ZNF782: variants seen among roughly 807,000 people sequenced by gnomAD.
The protein encoded by ZNF782 is zinc finger protein 782.
Under a neutral mutation model 13.0 loss-of-function variants are expected in ZNF782, and 12 were observed. That is an observed-to-expected ratio of 0.92 (90% confidence interval 0.59 to 1.50). ZNF782 has a LOEUF of 1.50. Ranked by LOEUF, ZNF782 falls within the 40% of genes most tolerant of loss-of-function variation. The pLI is 0.00. For missense variants in ZNF782, 770 were observed against 822.9 expected, an observed-to-expected ratio of 0.94 and a Z score of 0.79; for synonymous variants, 284 against 283.0, an observed-to-expected ratio of 1.00 and a Z score of -0.04.
chr9:96,856,990 G>A (rs1588173383), upstream of ZNF782, among the ~76,000 whole-genome samples: 1 of 152,196 alleles, frequency 6.6e-6, no homozygotes, highest in Non-Finnish European at 1.5e-5. Flanking sequence ...GCTCTGCACA[G>A]CAGCCACTGG....
At chr9:96,874,135 A>T (rs1851862052) in intron 1 of ZNF782, among the ~76,000 whole-genome samples, 3 of 152,214 alleles carry the variant, frequency 2.0e-5, no homozygotes, top group Admixed American at 2.0e-4. Context: ...ATCAATACAA[A>T]AGAACAAGCT....
rs530300812 is a variant in ZNF782 at position 96,846,736 on chromosome 9, A to G, written c.16-1720T>C. On this transcript the variant is annotated intron_variant, in intron 3 of 5. Transcript: ENST00000481138. The stretch of plus-strand genomic sequence containing the variant: ...TAAGAAATGAGATAGACAGCAATAC[A>G]ATAATAGTGGGAAACTTCAATAGAC... Among the ~76,000 whole-genome samples, 54 of 152,320 alleles carry G rather than the reference A, an allele frequency of 3.5e-4. No homozygotes were observed. In the South Asian group the frequency reaches 0.011, roughly 31 times the overall value.
intron 5 of ZNF782, 139 bp downstream of exon 5, chr9:96,826,941 T>A: frequency 1.8e-6 from 1 of 555,926 alleles, no homozygotes; most frequent in Non-Finnish European, 3.0e-6. Context: ...CTTTGCCCCA[T>A]GCACCTTTTA....
intron 1 of ZNF782, among the ~76,000 whole-genome samples, chr9:96,862,375 A>C (rs111506344): frequency 5.8e-4 from 89 of 152,344 alleles, no homozygotes; most frequent in Middle Eastern, 3.4e-3. Flanking sequence ...AAAATAGTAT[A>C]ATTGAATTAT....
chr9:96,816,196 G>C (rs550312082), downstream of ZNF782, among the ~76,000 whole-genome samples: 1 of 152,188 alleles, frequency 6.6e-6, no homozygotes, highest in Non-Finnish European at 1.5e-5. Flanking sequence ...AAAAAAGGCA[G>C]TTTAGTAACA....
intron 1 of ZNF782, among the ~76,000 whole-genome samples, chr9:96,871,387 G>A (rs899422948): frequency 6.6e-6 from 1 of 151,886 alleles, no homozygotes; most frequent in African/African-American, 2.4e-5. Flanking sequence ...TGGAAATCCT[G>A]GCCTCAAGCA....
the ZNF782 span, among the ~76,000 whole-genome samples, chr9:96,912,361 C>T: frequency 6.7e-6 from 1 of 148,548 alleles, no homozygotes; most frequent in African/African-American, 2.4e-5. Context: ...CCCGTCTCTA[C>T]TAAAAATACA....
chr9:96,854,732 C>T (rs906222670), upstream of ZNF782, among the ~76,000 whole-genome samples: 3 of 152,154 alleles, frequency 2.0e-5, no homozygotes, highest in Non-Finnish European at 4.4e-5. Flanking sequence ...AAAACTTAAA[C>T]GCTACTGACA....
intron 1 of ZNF782, among the ~76,000 whole-genome samples, chr9:96,874,130 T>C (rs554169944): frequency 3.5e-4 from 54 of 152,182 alleles, no homozygotes; most frequent in Non-Finnish European, 6.8e-4. Flanking sequence ...TACCCATCAA[T>C]ACAAAAGAAC....
At chr9:96,860,499 G>C (rs1033657278) in intron 2 of ZNF782, 3 of 152,166 alleles carry the variant, frequency 2.0e-5, no homozygotes, top group African/African-American at 7.2e-5. Flanking sequence ...AATTCCTCCA[G>C]GTCTGATCCA....
the ZNF782 span, chr9:96,931,851 C>T: frequency 6.2e-7 from 1 of 1,612,448 alleles, no homozygotes; most frequent in Non-Finnish European, 8.5e-7. Context: ...GCAGTGGTTC[C>T]TCCAGCCGGC....
chr9:96,911,728 G>C, the ZNF782 span, among the ~76,000 whole-genome samples: 1 of 151,382 alleles, frequency 6.6e-6, no homozygotes, highest in African/African-American at 2.4e-5. Flanking sequence ...CACCGTGTTA[G>C]CGAGGATGGT....
chr9:96,862,278 TAGAA>T lies in ZNF782; in HGVS notation c.-456-679_-456-676del, dbSNP rs1421375167. 3.3e-5 allele frequency among the ~76,000 whole-genome samples: 5 copies of T among 152,154 alleles called. No individual in the cohort carries two copies. In the South Asian group the frequency reaches 8.3e-4, roughly 25 times the overall value. ...TGGTTAATAGGCACACACACATAGT[TAGAA>T]AGAATAAATAAGGTCCAGTATTTGA... On this transcript the variant is annotated intron_variant, in intron 1 of 5. Transcript: ENST00000498811.
Position 96,817,884 on chromosome 9 carries a change from C to G in ZNF782, c.*39G>C. On this transcript the variant is annotated 3_prime_UTR_variant, in exon 6 of 6. Transcript: ENST00000481138. The stretch of plus-strand genomic sequence containing the variant: ...ATTTATGTATTGTGAGGTTTGATTT[C>G]CAGCTCAGAGTTTTTTCGTATTCTT... 2.7e-6 allele frequency: 4 copies of G among 1,508,710 alleles called. No individual in the cohort carries two copies. The highest frequency in any genetic ancestry group is 2.8e-5 in the South Asian group (2 of 72,600). 93.5% of individuals were successfully genotyped at this position (1,508,710 alleles called of 1,614,324 possible).
chr9:96,877,621 C>T (rs367683676), upstream of ZNF782, among the ~76,000 whole-genome samples: 118 of 152,362 alleles, frequency 7.7e-4, no homozygotes, highest in Non-Finnish European at 1.5e-3. Flanking sequence ...CTGGGGGCCC[C>T]GTGGGCTGGG....
At chr9:96,877,446 G>A (rs1370162676), upstream of ZNF782, among the ~76,000 whole-genome samples, 6 of 152,222 alleles carry the variant, frequency 3.9e-5, no homozygotes, top group South Asian at 1.0e-3. Context: ...AGCCGCCCCC[G>A]GACCCGCGTG....
upstream of ZNF782, among the ~76,000 whole-genome samples, chr9:96,877,473 G>A (rs1357808066): frequency 6.6e-6 from 1 of 152,252 alleles, no homozygotes; most frequent in Non-Finnish European, 1.5e-5. Context: ...GCCTCCTGGG[G>A]GTACCTGGCA....
At chr9:96,856,255 G>A (rs1482894454), upstream of ZNF782, among the ~76,000 whole-genome samples, 5 of 152,210 alleles carry the variant, frequency 3.3e-5, no homozygotes, top group African/African-American at 1.2e-4. Flanking sequence ...TGTTACCTCA[G>A]AGGGTGCTCT....
chr9:96,914,190 C>T, the ZNF782 span, among the ~76,000 whole-genome samples: 5 of 151,484 alleles, frequency 3.3e-5, 2 homozygotes, highest in Non-Finnish European at 7.4e-5. Flanking sequence ...GGCGCGATCT[C>T]GGCTCACTGC....
Sources: allele counts gnomAD v4.1 joint callset (sites outside exome capture counted in the v4.1 genomes callset), GRCh38; gene constraint gnomAD v4.1.1; transcripts MANE v1.5; gene names NCBI Gene and HGNC (gene_info 2026-07-23, HGNC 2026-07-21).